Variants in ZEB1 observed in about 807,000 individuals in gnomAD.
The protein encoded by ZEB1 is zinc finger E-box-binding homeobox 1.
Under a neutral mutation model 84.9 loss-of-function variants are expected in ZEB1, and 21 were observed. The ratio of observed to expected loss-of-function variants is 0.25; its 90% CI spans 0.18 to 0.36. The LOEUF (loss-of-function observed/expected upper bound fraction) is 0.36, where lower values mean the gene tolerates loss of function less well. ZEB1 is among the 10% of genes least tolerant of loss of function. The probability of loss-of-function intolerance (pLI) is 1.00; values close to 1 mark genes in which losing one functional copy is unlikely to be tolerated. For synonymous variants in ZEB1, 420 were observed against 471.1 expected (o/e 0.89, Z 1.41); for missense variants, 1,104 against 1,330.2 (o/e 0.83, Z 2.65).
intron 1 of ZEB1, among the ~76,000 whole-genome samples, chr10:31,330,777 C>A (rs971540505): frequency 3.3e-5 from 5 of 152,026 alleles, no homozygotes; most frequent in South Asian, 4.2e-4. Context: ...TCTTTCATTT[C>A]TTAGAAAATA....
intron 1 of ZEB1, among the ~76,000 whole-genome samples, chr10:31,432,103 A>G (rs2057780606): frequency 6.6e-6 from 1 of 152,210 alleles, no homozygotes; most frequent in African/African-American, 2.4e-5. Flanking sequence ...AATACCAGTG[A>G]TACTTAGTAA....
At chr10:31,460,985 C>G in intron 1 of ZEB1, 52 bp from the exon 2 acceptor site, 4 of 1,428,440 alleles carry the variant, frequency 2.8e-6, no homozygotes, top group Non-Finnish European at 3.9e-6. Context: ...GATGTAAAAA[C>G]TGATTGTTTT....
intron 1 of ZEB1, among the ~76,000 whole-genome samples, chr10:31,340,426 C>T (rs2039134728): frequency 2.0e-5 from 3 of 152,076 alleles, no homozygotes; most frequent in East Asian, 1.9e-4. Context: ...ATCTTTAAGA[C>T]CCATTGATAG....
At position 31,397,350 on chromosome 10, in the gene ZEB1, A is replaced by G. The variant is rs76832377; in HGVS notation, c.59-63687A>G. ...TTTAAGAGATAATCCTGAAAAGTAT[A>G]TCAGTTGGGTTGATTATATAACCAG... On this transcript the variant is annotated intron_variant, in intron 1 of 8. Transcript: ENST00000424869. 5.6e-3 allele frequency among the ~76,000 whole-genome samples: 846 copies of G among 152,092 alleles called. 13 individuals are homozygous for G. Among genetic ancestry groups the G allele is most frequent in the African/African-American group, 0.02 (811 of 41,500 alleles).
chr10:31,418,416 T>C (rs1441919981), intron 1 of ZEB1, among the ~76,000 whole-genome samples: 1 of 152,140 alleles, frequency 6.6e-6, no homozygotes, highest in Non-Finnish European at 1.5e-5. Flanking sequence ...GTCTTTGAGC[T>C]GCAGAAGAAT....
At chr10:31,474,025 G>A (rs1365009114) in intron 2 of ZEB1, among the ~76,000 whole-genome samples, 1 of 152,136 alleles carries the variant, frequency 6.6e-6, no homozygotes, top group African/African-American at 2.4e-5. Context: ...AGCTGAAACT[G>A]GATCCCTTCC....
chr10:31,494,169 C>T (rs564518142), intron 2 of ZEB1, among the ~76,000 whole-genome samples: 5 of 151,826 alleles, frequency 3.3e-5, no homozygotes, highest in Non-Finnish European at 7.4e-5. Context: ...TTTAAGGAGA[C>T]ACATTGAAGC....
chr10:31,409,679 T>C (rs1323403776), intron 1 of ZEB1, among the ~76,000 whole-genome samples: 2 of 152,226 alleles, frequency 1.3e-5, no homozygotes, highest in East Asian at 3.8e-4. Flanking sequence ...TGTCCTCTCT[T>C]ATTTCCTTGA....
At chr10:31,381,564 A>C (rs1034282957) in intron 1 of ZEB1, among the ~76,000 whole-genome samples, 1 of 152,162 alleles carries the variant, frequency 6.6e-6, no homozygotes, top group African/African-American at 2.4e-5. Flanking sequence ...ATTTCTAGTG[A>C]TTTATTTTAT....
At chr10:31,514,786 A>G in intron 6 of ZEB1, 78 bp downstream of exon 6, 1 of 1,176,874 alleles carries the variant, frequency 8.5e-7, no homozygotes, top group Admixed American at 1.9e-5. Context: ...CATGTAATCT[A>G]CGTACATGAT....
At chr10:31,389,085 T>C (rs1015931748) in intron 1 of ZEB1, among the ~76,000 whole-genome samples, 1 of 152,090 alleles carries the variant, frequency 6.6e-6, no homozygotes, top group Non-Finnish European at 1.5e-5. Flanking sequence ...TTCAGATCAG[T>C]TTTGTAGGAT....
intron 1 of ZEB1, among the ~76,000 whole-genome samples, chr10:31,426,619 C>A (rs1018404412): frequency 6.6e-6 from 1 of 152,158 alleles, no homozygotes; most frequent in African/African-American, 2.4e-5. Flanking sequence ...AGTGCACAAG[C>A]TAATCCCACC....
At chr10:31,439,503 G>C (rs1293834987) in intron 1 of ZEB1, among the ~76,000 whole-genome samples, 3 of 152,120 alleles carry the variant, frequency 2.0e-5, no homozygotes, top group Admixed American at 1.3e-4. Flanking sequence ...CTAGGGATTA[G>C]TATCTACAGC....
intron 6 of ZEB1, among the ~76,000 whole-genome samples, chr10:31,516,168 T>C (rs2071060087): frequency 2.0e-5 from 3 of 151,988 alleles, no homozygotes; most frequent in African/African-American, 4.8e-5. Flanking sequence ...AGTAGTAAAT[T>C]TGAATGGCCC....
At chr10:31,495,715 T>C in intron 2 of ZEB1, 61 bp from the exon 3 acceptor site, 4 of 1,581,448 alleles carry the variant, frequency 2.5e-6, no homozygotes, top group Non-Finnish European at 3.5e-6. Flanking sequence ...ACTTTAAACA[T>C]TTGTCTTTCG....
intron 1 of ZEB1, among the ~76,000 whole-genome samples, chr10:31,375,688 G>T (rs2046494780): frequency 6.6e-6 from 1 of 151,800 alleles, no homozygotes; most frequent in South Asian, 2.1e-4. Flanking sequence ...TTTGAATTTG[G>T]CAGTTTCTAC....
Position 31,527,454 on chromosome 10 carries a change from A to C in ZEB1, c.*190A>C, listed in dbSNP as rs547057591. On this transcript the variant is annotated 3_prime_UTR_variant, in exon 9 of 9. Transcript: ENST00000424869. ...ACACACACACACACACACACACACA[A>C]AATAAATCCGGGTGTGCCTGAACCT... 37 of 594,434 alleles carry C rather than the reference A, an allele frequency of 6.2e-5. No homozygotes were observed. The highest frequency in any genetic ancestry group is 1.1e-4 in the Admixed American group (3 of 28,236). 36.8% of individuals were successfully genotyped at this position (594,434 alleles called of 1,614,324 possible). A position where few individuals can be genotyped will look rare whatever the true frequency, so the allele number is the denominator to read the frequency against.
intron 1 of ZEB1, among the ~76,000 whole-genome samples, chr10:31,391,231 TTGTG>T (rs780805467): frequency 0.027 from 3,611 of 134,748 alleles, 60 homozygotes; most frequent in African/African-American, 0.046. Flanking sequence ...ACAGGTAAGT[TTGTG>T]TGTGTGTGTG....
intron 1 of ZEB1, among the ~76,000 whole-genome samples, chr10:31,345,583 T>C (rs182590221): frequency 7.0e-4 from 106 of 152,262 alleles, no homozygotes; most frequent in African/African-American, 2.4e-3. Context: ...GATCAACTTG[T>C]GTGGGTTATG....
Sources: gnomAD v4.1 joint callset for allele counts (sites outside exome capture counted in the v4.1 genomes callset) on GRCh38, gnomAD v4.1.1 for gene constraint, MANE v1.5 for transcripts, NCBI Gene and HGNC (gene_info 2026-07-23, HGNC 2026-07-21) for gene names.